ZNF365: variants seen among roughly 807,000 people sequenced by gnomAD.
The protein encoded by ZNF365 is zinc finger protein 365.
Under a neutral mutation model 35.0 loss-of-function variants are expected in ZNF365, and 22 were observed. That is an observed-to-expected ratio of 0.63 (90% CI 0.45 to 0.90). ZNF365 has a LOEUF of 0.90. ZNF365 is among the 40% of genes least tolerant of loss of function. The pLI, the probability that ZNF365 is intolerant of heterozygous loss-of-function variation, is 0.00. For missense variants in ZNF365, 448 were observed against 500.3 expected, an observed-to-expected ratio of 0.90 and a Z score of 1.00; for synonymous variants, 188 against 196.2, an observed-to-expected ratio of 0.96 and a Z score of 0.35.
At chr10:62,386,925 A>T (rs1839535617) in intron 2 of ZNF365, among the ~76,000 whole-genome samples, 1 of 152,218 alleles carries the variant, frequency 6.6e-6, no homozygotes, top group Non-Finnish European at 1.5e-5. Context: ...CACGAATCAA[A>T]ATTGAAAGAG....
intron 3 of ZNF365, among the ~76,000 whole-genome samples, chr10:62,447,973 C>A (rs778359218): frequency 2.0e-5 from 3 of 152,196 alleles, no homozygotes; most frequent in Non-Finnish European, 4.4e-5. Context: ...TCAAACATCA[C>A]AAAGTTGAAA....
intron 2 of ZNF365, among the ~76,000 whole-genome samples, chr10:62,384,602 T>G (rs1839495618): frequency 6.6e-6 from 1 of 152,248 alleles, no homozygotes; most frequent in African/African-American, 2.4e-5. Flanking sequence ...TTTGTTGTTT[T>G]GGTTGAAACA....
chr10:62,454,498 C>T (rs1425718658), intron 3 of ZNF365, among the ~76,000 whole-genome samples: 1 of 152,168 alleles, frequency 6.6e-6, no homozygotes, highest in Admixed American at 6.5e-5. Flanking sequence ...TTATTTTGGT[C>T]TAAAATGCTA....
At chr10:62,397,450 CTCT>C (rs1839748569) in intron 3 of ZNF365, among the ~76,000 whole-genome samples, 1 of 152,212 alleles carries the variant, frequency 6.6e-6, no homozygotes, top group Admixed American at 6.5e-5. Flanking sequence ...TTTGTCGTTT[CTCT>C]TCTTCTGTTG....
intron 4 of ZNF365, 94 bp downstream of exon 4, chr10:62,398,871 G>A: frequency 2.5e-6 from 3 of 1,219,054 alleles, no homozygotes; most frequent in Non-Finnish European, 3.4e-6. Flanking sequence ...TATTTTATAT[G>A]ATATCTATAT....
At chr10:62,406,087 C>T (rs191201721), downstream of ZNF365, among the ~76,000 whole-genome samples, 15 of 152,240 alleles carry the variant, frequency 9.9e-5, no homozygotes, top group East Asian at 7.7e-4. Context: ...GTTATTGGGA[C>T]GAAGATCAAA....
At chr10:62,428,745 C>T (rs1215024327) in intron 3 of ZNF365, among the ~76,000 whole-genome samples, 1 of 152,180 alleles carries the variant, frequency 6.6e-6, no homozygotes, top group Admixed American at 6.5e-5. Context: ...CAACCCCATA[C>T]TGAGTAAAAA....
chr10:62,393,037 CTT>C (rs57272087), intron 3 of ZNF365, among the ~76,000 whole-genome samples: 32 of 144,996 alleles, frequency 2.2e-4, no homozygotes, highest in East Asian at 6.0e-4. Flanking sequence ...TTCTGTTAAG[CTT>C]TTTTTTTTTT....
downstream of ZNF365, among the ~76,000 whole-genome samples, chr10:62,405,365 A>T (rs1197100318): frequency 6.6e-6 from 1 of 152,138 alleles, no homozygotes; most frequent in Non-Finnish European, 1.5e-5. Flanking sequence ...ACATTTTGCA[A>T]TGAGAGGGGG....
In ZNF365 at chr10:62,376,174, C is replaced by G. The variant is rs766393448; in HGVS notation, c.-13-7C>G. 6.2e-7 allele frequency: 1 copy of G among 1,612,198 alleles called. No individual in the cohort carries two copies. The highest frequency in any genetic ancestry group is 8.5e-7 in the Non-Finnish European group (1 of 1,178,878). ...GACTTGTAAACTACCTATTTCCCCC[C>G]TCCCAGGACTTTTAGAGTAATGCAA... On this transcript the variant is annotated splice_polypyrimidine_tract_variant and splice_region_variant and intron_variant, in intron 1 of 4. Coordinates refer to ENST00000395254, the MANE Select transcript of ZNF365 (RefSeq NM_014951.3).
rs571507130 is a variant in ZNF365, at chr10:62,401,172, A to G, written c.*1383A>G. 41 of 962,396 alleles carry G rather than the reference A, an allele frequency of 4.3e-5. 1 individual carries two copies. In the South Asian group the frequency reaches 1.8e-3, roughly 43 times the overall value. The allele number at this position is 962,396 out of a possible 1,614,324, so 59.6% of individuals were successfully genotyped here. ...TAACACATACAAAATATATATGTTA[A>G]GTATATTAATAATTTATTTTTAAAT... On this transcript the variant is annotated 3_prime_UTR_variant, in exon 5 of 5. Coordinates refer to ENST00000395254, the MANE Select transcript of ZNF365 (RefSeq NM_014951.3).
intron 4 of ZNF365, among the ~76,000 whole-genome samples, chr10:62,467,546 TGAGAGCA>T (rs1840964330): frequency 6.6e-6 from 1 of 152,234 alleles, no homozygotes; most frequent in South Asian, 2.1e-4. Context: ...GCACATTGAA[TGAGAGCA>T]TTGCTCATTT....
intron 3 of ZNF365, among the ~76,000 whole-genome samples, chr10:62,412,589 A>T (rs1840003768): frequency 6.6e-6 from 1 of 152,086 alleles, no homozygotes; most frequent in Admixed American, 6.6e-5. Context: ...AAGTCTCAGG[A>T]TACAAAATCA....
chr10:62,391,473 C>T (rs2132420964), intron 3 of ZNF365, among the ~76,000 whole-genome samples: 1 of 152,314 alleles, frequency 6.6e-6, no homozygotes, highest in Non-Finnish European at 1.5e-5. Context: ...TTAGCTCCCA[C>T]TTATGAGTGA....
chr10:62,460,752 A>G (rs1191419291), intron 4 of ZNF365, among the ~76,000 whole-genome samples: 1 of 152,170 alleles, frequency 6.6e-6, no homozygotes, highest in Non-Finnish European at 1.5e-5. Flanking sequence ...AAGAGTTGAA[A>G]CGACAATGTG....
At chr10:62,451,102 A>G (rs1230133920) in intron 3 of ZNF365, among the ~76,000 whole-genome samples, 1 of 152,216 alleles carries the variant, frequency 6.6e-6, no homozygotes, top group African/African-American at 2.4e-5. Flanking sequence ...CAGAAAAACA[A>G]TGGCTACAGA....
At position 62,401,588 on chromosome 10, in the gene ZNF365, G is replaced by A. The variant is rs1447394495; in HGVS notation, c.*1799G>A. The A allele has an allele frequency of 3.0e-6, 3 of 984,002 alleles. No individual in the cohort carries two copies. Among genetic ancestry groups the A allele is most frequent in the Non-Finnish European group, 2.4e-6 (2 of 828,728 alleles). 61.0% of individuals were successfully genotyped at this position (984,002 alleles called of 1,614,324 possible). A position where few individuals can be genotyped will look rare whatever the true frequency, so the allele number is the denominator to read the frequency against. ...AGGCTAACATTGTAAAAATTGTAAT[G>A]TTATAATTATTATTTATTTGGAGAA... On this transcript the variant is annotated 3_prime_UTR_variant, in exon 5 of 5. Transcript: ENST00000395254.
At chr10:62,426,772 C>A (rs1173129779) in intron 3 of ZNF365, among the ~76,000 whole-genome samples, 1 of 151,946 alleles carries the variant, frequency 6.6e-6, no homozygotes. Flanking sequence ...GATATCCAGC[C>A]CTGGGATGAT....
At chr10:62,382,301 T>A (rs1363371084) in intron 2 of ZNF365, among the ~76,000 whole-genome samples, 1 of 152,186 alleles carries the variant, frequency 6.6e-6, no homozygotes, top group African/African-American at 2.4e-5. Flanking sequence ...AAAAATCACA[T>A]TGGATATAGA....
Sources: allele counts gnomAD v4.1 joint callset (sites outside exome capture counted in the v4.1 genomes callset), GRCh38; gene constraint gnomAD v4.1.1; transcripts MANE v1.5; gene names NCBI Gene and HGNC (gene_info 2026-07-23, HGNC 2026-07-21).